Variants in CDH12 observed in about 807,000 individuals in gnomAD.
The protein encoded by CDH12 is cadherin-12.
A neutral mutation model predicts 74.1 loss-of-function variants in CDH12; 41 were observed. The ratio of observed to expected loss-of-function variants is 0.55; its 90% CI spans 0.43 to 0.72. The LOEUF is 0.72. Ranked by LOEUF, CDH12 falls within the 30% of genes least tolerant of loss-of-function variation. The probability of loss-of-function intolerance (pLI) is 0.00; values close to 1 mark genes in which losing one functional copy is unlikely to be tolerated. For missense variants in CDH12, 945 were observed against 977.2 expected, an observed-to-expected ratio of 0.97 and a Z score of 0.44; for synonymous variants, 399 against 355.0, an observed-to-expected ratio of 1.12 and a Z score of -1.39.
At chr5:22,012,794 G>T (rs1205152731) in intron 5 of CDH12, among the ~76,000 whole-genome samples, 7 of 142,558 alleles carry the variant, frequency 4.9e-5, no homozygotes, top group African/African-American at 7.9e-5. Flanking sequence ...CCTCTTAGAT[G>T]AAAATAACAA....
At chr5:22,440,314 G>C (rs535248456) in intron 2 of CDH12, among the ~76,000 whole-genome samples, 1 of 152,168 alleles carries the variant, frequency 6.6e-6, no homozygotes, top group Non-Finnish European at 1.5e-5. Context: ...GAAGCATAAA[G>C]TACAAAATGG....
chr5:22,102,397 G>A lies in CDH12; in HGVS notation c.-186-23535C>T, dbSNP rs147605318. ...AAAACGTAATCCCCTGGCAGGGCAC[G>A]GTGGCTCACGCCTGTTATCCCAGCA... On this transcript the variant is annotated intron_variant, in intron 4 of 14. Transcript: ENST00000382254. 7.2e-4 allele frequency among the ~76,000 whole-genome samples: 110 copies of A among 152,220 alleles called. No individual in the cohort carries two copies. The East Asian group carries it at 0.02, about 27-fold the overall frequency.
At chr5:22,107,665 T>C (rs1186503707) in intron 4 of CDH12, among the ~76,000 whole-genome samples, 1 of 152,034 alleles carries the variant, frequency 6.6e-6, no homozygotes, top group Non-Finnish European at 1.5e-5. Flanking sequence ...CAACGATACT[T>C]TACCAAAAGT....
chr5:22,386,593 AT>A (rs976212513), intron 3 of CDH12, among the ~76,000 whole-genome samples: 1 of 152,168 alleles, frequency 6.6e-6, no homozygotes, highest in Non-Finnish European at 1.5e-5. Context: ...CATAAAAAAA[AT>A]CTATTATTCT....
intron 3 of CDH12, among the ~76,000 whole-genome samples, chr5:22,385,494 A>T (rs1330471445): frequency 1.3e-5 from 2 of 152,134 alleles, no homozygotes; most frequent in Non-Finnish European, 2.9e-5. Flanking sequence ...CTTTTTTGAG[A>T]TGTAAATATT....
At chr5:22,256,187 A>G (rs1032634206) in intron 3 of CDH12, among the ~76,000 whole-genome samples, 1 of 152,164 alleles carries the variant, frequency 6.6e-6, no homozygotes, top group Admixed American at 6.5e-5. Context: ...ATTGTTTGGT[A>G]GAAACAGATC....
intron 3 of CDH12, among the ~76,000 whole-genome samples, chr5:22,216,534 A>T (rs560517137): frequency 1.3e-5 from 2 of 152,048 alleles, no homozygotes; most frequent in South Asian, 4.1e-4. Flanking sequence ...CTATAAATAC[A>T]TATACATAAA....
At chr5:21,980,492 C>A (rs1027807509) in intron 5 of CDH12, among the ~76,000 whole-genome samples, 2 of 152,058 alleles carry the variant, frequency 1.3e-5, no homozygotes, top group Non-Finnish European at 2.9e-5. Context: ...ACCATGATTT[C>A]TGTGTCCTTT....
intron 4 of CDH12, among the ~76,000 whole-genome samples, chr5:22,148,611 A>G (rs1301862179): frequency 1.3e-5 from 2 of 152,064 alleles, no homozygotes; most frequent in African/African-American, 4.8e-5. Context: ...AGAAGTCAGA[A>G]AGCAGCAGAG....
At chr5:21,832,807 CATATA>C (rs58514009) in intron 8 of CDH12, among the ~76,000 whole-genome samples, 49,052 of 116,978 alleles carry the variant, frequency 0.42, 12,937 homozygotes, top group African/African-American at 0.76. Flanking sequence ...TATATATTAT[CATATA>C]ATATATGATA....
intron 1 of CDH12, among the ~76,000 whole-genome samples, chr5:22,602,258 G>T (rs1412047159): frequency 6.6e-6 from 1 of 152,048 alleles, no homozygotes; most frequent in African/African-American, 2.4e-5. Context: ...ATTCAACCAA[G>T]AATTTATGCC....
At chr5:21,776,649 T>G (rs1193412680) in intron 11 of CDH12, among the ~76,000 whole-genome samples, 2 of 152,232 alleles carry the variant, frequency 1.3e-5, no homozygotes, top group Non-Finnish European at 2.9e-5. Context: ...CCATTTATAA[T>G]TAAGATTGCC....
intron 1 of CDH12, among the ~76,000 whole-genome samples, chr5:22,767,703 T>G (rs1746593564): frequency 2.0e-5 from 3 of 151,974 alleles, no homozygotes. Flanking sequence ...CCACCTGCAG[T>G]GAGTAGTATT....
chr5:22,543,511 C>T (rs928667167), intron 1 of CDH12, among the ~76,000 whole-genome samples: 7 of 151,912 alleles, frequency 4.6e-5, no homozygotes, highest in African/African-American at 7.3e-5. Flanking sequence ...AGCTTAATAT[C>T]GATTGTTGAT....
chr5:21,919,506 C>A (rs1408882478), intron 6 of CDH12, among the ~76,000 whole-genome samples: 1 of 152,074 alleles, frequency 6.6e-6, no homozygotes, highest in Non-Finnish European at 1.5e-5. Context: ...ATTCACCCTC[C>A]ACTTCTTTCA....
chr5:22,334,430 C>T (rs556986371), intron 3 of CDH12, among the ~76,000 whole-genome samples: 1 of 151,916 alleles, frequency 6.6e-6, no homozygotes, highest in Non-Finnish European at 1.5e-5. Flanking sequence ...TCCATACTAC[C>T]CAAAGCAATC....
At chr5:22,118,389 T>C (rs563956152) in intron 4 of CDH12, among the ~76,000 whole-genome samples, 1 of 152,228 alleles carries the variant, frequency 6.6e-6, no homozygotes, top group East Asian at 1.9e-4. Context: ...TTCGTTGTTG[T>C]CGTCTCTAAA....
At chr5:22,645,844 A>G (rs572578265) in intron 1 of CDH12, among the ~76,000 whole-genome samples, 23 of 152,096 alleles carry the variant, frequency 1.5e-4, no homozygotes, top group Middle Eastern at 3.4e-3. Context: ...GAAGGTTTAG[A>G]TGCTCATTAG....
At chr5:22,790,111 A>C (rs1747833291) in intron 1 of CDH12, among the ~76,000 whole-genome samples, 1 of 152,172 alleles carries the variant, frequency 6.6e-6, no homozygotes, top group African/African-American at 2.4e-5. Context: ...ATCTTCCGAA[A>C]GAACTTATAT....
Sources: allele counts gnomAD v4.1 joint callset (sites outside exome capture counted in the v4.1 genomes callset), GRCh38; gene constraint gnomAD v4.1.1; transcripts MANE v1.5; gene names NCBI Gene and HGNC (gene_info 2026-07-23, HGNC 2026-07-21).